Variants in MAGI2 observed in about 807,000 individuals in gnomAD.
MAGI2 encodes the protein membrane-associated guanylate kinase, WW and PDZ domain-containing protein 2.
In MAGI2, 35 loss-of-function variants were observed where a neutral mutation model predicts 133.3. That is an observed-to-expected ratio of 0.26 (90% CI 0.20 to 0.35). The LOEUF (loss-of-function observed/expected upper bound fraction) is 0.35. Among genes scored for constraint, MAGI2 ranks in the 10% least tolerant of loss-of-function variants. The pLI is 1.00. For synonymous variants in MAGI2, 729 were observed against 710.6 expected (o/e 1.03, Z -0.41); for missense variants, 1,636 against 1,863.4 (o/e 0.88, Z 2.25).
At chr7:78,298,131 A>C (rs894898185) in intron 9 of MAGI2, among the ~76,000 whole-genome samples, 4 of 152,198 alleles carry the variant, frequency 2.6e-5, no homozygotes, top group Admixed American at 2.0e-4. Flanking sequence ...TCTCAGTATA[A>C]TCATGAGCAA....
chr7:78,453,768 T>C (rs1563019845), intron 6 of MAGI2, among the ~76,000 whole-genome samples: 2 of 152,194 alleles, frequency 1.3e-5, no homozygotes, highest in Non-Finnish European at 2.9e-5. Context: ...CGCCATTTTA[T>C]ATTTGAGACC....
intron 2 of MAGI2, among the ~76,000 whole-genome samples, chr7:78,746,643 G>C (rs1451583853): frequency 6.6e-6 from 1 of 152,186 alleles, no homozygotes; most frequent in Non-Finnish European, 1.5e-5. Flanking sequence ...TTTCATAGCT[G>C]TCTCCTCATC....
intron 1 of MAGI2, among the ~76,000 whole-genome samples, chr7:79,303,656 A>G (rs10265495): frequency 0.016 from 2,443 of 152,296 alleles, 54 homozygotes; most frequent in African/African-American, 0.057. Flanking sequence ...TGATTTAATG[A>G]ATGAAAATCC....
At chr7:79,256,860 A>G (rs1475765280) in intron 1 of MAGI2, among the ~76,000 whole-genome samples, 2 of 152,128 alleles carry the variant, frequency 1.3e-5, no homozygotes, top group African/African-American at 4.8e-5. Context: ...TAAAATCCAT[A>G]TACTAAATAC....
At chr7:79,277,492 T>A (rs1038055534) in intron 1 of MAGI2, among the ~76,000 whole-genome samples, 1 of 152,160 alleles carries the variant, frequency 6.6e-6, no homozygotes, top group Non-Finnish European at 1.5e-5. Flanking sequence ...ATGTCCATGG[T>A]GTGCCTGTAT....
At chr7:79,378,972 T>TATATATA (rs1563168440) in intron 1 of MAGI2, among the ~76,000 whole-genome samples, 10 of 76,752 alleles carry the variant, frequency 1.3e-4, no homozygotes, top group African/African-American at 4.9e-4. Flanking sequence ...ATATATATAT[T>TATATATA]AAACTTTAAG....
intron 2 of MAGI2, among the ~76,000 whole-genome samples, chr7:78,992,495 AT>A (rs1490784770): frequency 5.9e-5 from 9 of 151,940 alleles, no homozygotes; most frequent in African/African-American, 2.2e-4. Context: ...TAACAACCAC[AT>A]TTTTTATAAC....
At chr7:78,107,815 A>C (rs1006578465) in intron 20 of MAGI2, among the ~76,000 whole-genome samples, 12 of 138,282 alleles carry the variant, frequency 8.7e-5, no homozygotes, top group African/African-American at 3.0e-4. Flanking sequence ...ATAATCCTTT[A>C]TATTTCCGTG....
intron 2 of MAGI2, among the ~76,000 whole-genome samples, chr7:78,814,767 G>C (rs1376762490): frequency 6.6e-6 from 1 of 152,022 alleles, no homozygotes; most frequent in African/African-American, 2.4e-5. Context: ...CTGTCTCCCA[G>C]GATGAAGTGC....
At chr7:78,187,824 G>T (rs897927652) in intron 12 of MAGI2, among the ~76,000 whole-genome samples, 1 of 152,242 alleles carries the variant, frequency 6.6e-6, no homozygotes, top group East Asian at 1.9e-4. Context: ...ATACTCTCAC[G>T]AGGACCTACT....
chr7:78,033,472 CAAAAA>C (rs199985014), intron 21 of MAGI2, among the ~76,000 whole-genome samples: 18 of 132,398 alleles, frequency 1.4e-4, no homozygotes, highest in East Asian at 6.6e-4. Context: ...GAGCTTGTCT[CAAAAA>C]AAAAAAAAAA....
chr7:78,775,883 C>T (rs763022651), intron 2 of MAGI2, among the ~76,000 whole-genome samples: 1 of 152,134 alleles, frequency 6.6e-6, no homozygotes, highest in Non-Finnish European at 1.5e-5. Flanking sequence ...AGCTGGAAAC[C>T]AAAATTTAGT....
chr7:79,292,119 A>G (rs770614682), intron 1 of MAGI2, among the ~76,000 whole-genome samples: 2 of 152,120 alleles, frequency 1.3e-5, no homozygotes, highest in Non-Finnish European at 2.9e-5. Flanking sequence ...TCATTTTTTT[A>G]CATGTGGAAA....
chr7:78,409,626 G>A (rs1473933884), intron 6 of MAGI2, among the ~76,000 whole-genome samples: 1 of 152,046 alleles, frequency 6.6e-6, no homozygotes, highest in African/African-American at 2.4e-5. Flanking sequence ...TTCTTTTAAA[G>A]AGTCAAACAG....
chr7:79,173,675 T>C (rs1003311232), intron 1 of MAGI2, among the ~76,000 whole-genome samples: 1 of 152,026 alleles, frequency 6.6e-6, no homozygotes, highest in African/African-American at 2.4e-5. Context: ...ATGATTACAC[T>C]AACCAACAAA....
At chr7:78,354,696 A>G (rs988739588) in intron 7 of MAGI2, among the ~76,000 whole-genome samples, 3 of 152,210 alleles carry the variant, frequency 2.0e-5, no homozygotes, top group Non-Finnish European at 4.4e-5. Context: ...ATAGAGCAGG[A>G]GGAAATCAAA....
intron 2 of MAGI2, among the ~76,000 whole-genome samples, chr7:78,903,251 T>C (rs1314721934): frequency 7.4e-6 from 1 of 135,558 alleles, no homozygotes; most frequent in African/African-American, 2.7e-5. Flanking sequence ...TGGACTGCAG[T>C]GGCGCTGTCT....
chr7:79,444,734 C>A (rs946661996), intron 1 of MAGI2, among the ~76,000 whole-genome samples: 12 of 152,222 alleles, frequency 7.9e-5, no homozygotes, highest in African/African-American at 2.4e-5. Context: ...AATGGCCATA[C>A]TGCCCAAGGT....
At chr7:78,120,723 C>G (rs1361879154) in intron 20 of MAGI2, among the ~76,000 whole-genome samples, 2 of 151,964 alleles carry the variant, frequency 1.3e-5, no homozygotes, top group Admixed American at 1.3e-4. Context: ...TGCTGTGGAC[C>G]GGGCGCGGTG....
Sources: gnomAD v4.1 joint callset for allele counts (sites outside exome capture counted in the v4.1 genomes callset) on GRCh38, gnomAD v4.1.1 for gene constraint, MANE v1.5 for transcripts, NCBI Gene and HGNC (gene_info 2026-07-23, HGNC 2026-07-21) for gene names.